ELFN2: variants seen among roughly 807,000 people sequenced by gnomAD.
The protein encoded by ELFN2 is extracellular leucine rich repeat and fibronectin type III domain containing 2.
In ELFN2, 17 loss-of-function variants were observed where a neutral mutation model predicts 45.5. That is an observed-to-expected ratio of 0.37 (90% CI 0.26 to 0.56). ELFN2 has a LOEUF of 0.56. Ranked by LOEUF, ELFN2 falls within the 20% of genes least tolerant of loss-of-function variation. ELFN2 has a pLI of 0.77. For synonymous variants in ELFN2, 550 were observed against 551.5 expected (o/e 1.00, Z 0.04); for missense variants, 922 against 1,183.2 (o/e 0.78, Z 3.24).
At chr22:37,343,312 C>T (rs1169632563) in intron 1 of ELFN2, among the ~76,000 whole-genome samples, 2 of 152,152 alleles carry the variant, frequency 1.3e-5, no homozygotes, top group African/African-American at 4.8e-5. Context: ...CCCCTATGCC[C>T]CTGGGCTCCG....
rs1311033472 is a variant in ELFN2, at chr22:37,342,162, T to C, written n.251+439A>G. On this transcript the variant is annotated intron_variant and non_coding_transcript_variant, in intron 2 of 2. Transcript: ENST00000452946. The stretch of plus-strand genomic sequence containing the variant: ...TGGGTCCCTGGAGACCGAGCAAGTC[T>C]TCCCCTGAAGACTTGAAGAGGCACG... Among the ~76,000 whole-genome samples, 3 of 152,280 alleles carry C rather than the reference T, an allele frequency of 2.0e-5. No homozygotes were observed. In the East Asian group the frequency reaches 5.8e-4, roughly 29 times the overall value.
intron 1 of ELFN2, among the ~76,000 whole-genome samples, chr22:37,426,348 G>A (rs867546638): frequency 5.9e-5 from 8 of 135,010 alleles, no homozygotes; most frequent in African/African-American, 1.3e-4. Context: ...ATGCACACGC[G>A]CGCGCGCGCA....
chr22:37,355,147 C>T (rs995536005), intron 1 of ELFN2, among the ~76,000 whole-genome samples: 1 of 152,214 alleles, frequency 6.6e-6, no homozygotes, highest in Non-Finnish European at 1.5e-5. Flanking sequence ...CAGTCTGTCC[C>T]TTGGGATGGA....
At chr22:37,416,905 A>G (rs1932764972) in intron 2 of ELFN2, among the ~76,000 whole-genome samples, 1 of 151,596 alleles carries the variant, frequency 6.6e-6, no homozygotes, top group South Asian at 2.1e-4. Context: ...CCACGTGGGG[A>G]CCACCGCACC....
intron 2 of ELFN2, among the ~76,000 whole-genome samples, chr22:37,376,222 G>T (rs1430040255): frequency 6.6e-6 from 1 of 152,090 alleles, no homozygotes; most frequent in African/African-American, 2.4e-5. Flanking sequence ...AGAAGAATAG[G>T]GGGAGTAGGG....
intron 1 of ELFN2, among the ~76,000 whole-genome samples, chr22:37,424,400 C>G (rs1314245938): frequency 6.6e-6 from 1 of 152,194 alleles, no homozygotes; most frequent in Non-Finnish European, 1.5e-5. Flanking sequence ...ATGGAGCCCC[C>G]AGTGACCGCC....
rs527465492 is a variant in ELFN2 at position 37,392,165 on chromosome 22, C to T, written c.-462-16169G>A. Among the ~76,000 whole-genome samples the T allele has an allele frequency of 8.5e-5, 13 of 152,236 alleles. No homozygotes were observed. The South Asian group carries it at 2.7e-3, about 31-fold the overall frequency. On this transcript the variant is annotated intron_variant, in intron 2 of 2. Coordinates refer to ENST00000402918, the MANE Select transcript of ELFN2 (RefSeq NM_052906.5). ...GACTTTCCTTGGCCCTCCTCAACCACTTCTCTGCCCCCGTCTCTAAAAAGG... is the reference window on the plus strand; with the variant it reads ...GACTTTCCTTGGCCCTCCTCAACCATTTCTCTGCCCCCGTCTCTAAAAAGG...
chr22:37,375,602 G>A lies in ELFN2; in HGVS notation c.-68C>T. ...GCCTAGCGGCCAGAGGCTGGGGCTG[G>A]CAGTACAGTCCTCCCTGGGGCCGCC... On this transcript the variant is annotated 5_prime_UTR_variant, in exon 3 of 3. Transcript: ENST00000402918. The A allele has an allele frequency of 6.8e-7, 1 of 1,468,008 alleles. No individual in the cohort carries two copies. The highest frequency in any genetic ancestry group is 1.4e-5 in the South Asian group (1 of 70,078). The allele number at this position is 1,468,008 out of a possible 1,614,324, so 90.9% of individuals were successfully genotyped here.
intron 2 of ELFN2, among the ~76,000 whole-genome samples, chr22:37,376,876 G>A (rs945186602): frequency 1.3e-5 from 2 of 152,224 alleles, no homozygotes; most frequent in African/African-American, 4.8e-5. Flanking sequence ...CCCCTTCCAT[G>A]GCTGGAGAGT....
intron 2 of ELFN2, among the ~76,000 whole-genome samples, chr22:37,386,704 G>A (rs1931956604): frequency 6.6e-6 from 1 of 152,174 alleles, no homozygotes; most frequent in African/African-American, 2.4e-5. Context: ...AAACTCCCCG[G>A]GGAGGGCCGC....
chr22:37,417,608 G>A lies in ELFN2; in HGVS notation c.-463+161C>T, dbSNP rs1348221556. ...TCATAGGCCCTGTGGAAGGAAAGCT[G>A]GGTGGGAGGGGTGCCCACGGCTGGG... On this transcript the variant is annotated intron_variant, in intron 2 of 2. Coordinates refer to ENST00000402918, the MANE Select transcript of ELFN2 (RefSeq NM_052906.5). The surrounding 1 kb of genome is among the most constrained non-coding windows in gnomAD (Gnocchi z 4.5). Among the ~76,000 whole-genome samples, 1 of 152,246 alleles carries A rather than the reference G, an allele frequency of 6.6e-6. No individual in the cohort carries two copies. Among genetic ancestry groups the A allele is most frequent in the Non-Finnish European group, 1.5e-5 (1 of 68,044 alleles).
chr22:37,357,918 C>T (rs1163913157), intron 1 of ELFN2, among the ~76,000 whole-genome samples: 1 of 152,198 alleles, frequency 6.6e-6, no homozygotes, highest in African/African-American at 2.4e-5. Flanking sequence ...CCACACATCA[C>T]CCTGCACGCA....
At chr22:37,363,671 G>C (rs1381559991), downstream of ELFN2, among the ~76,000 whole-genome samples, 1 of 152,158 alleles carries the variant, frequency 6.6e-6, no homozygotes, top group African/African-American at 2.4e-5. Context: ...GAGGCAGCCC[G>C]GGCCTCAACT....
intron 1 of ELFN2, among the ~76,000 whole-genome samples, chr22:37,343,974 G>A (rs1305788094): frequency 6.6e-6 from 1 of 151,594 alleles, no homozygotes; most frequent in Admixed American, 6.6e-5. Context: ...AGGGGCCGAG[G>A]GCTTACAGCA....
chr22:37,362,475 G>A (rs776587708), intron 1 of ELFN2, among the ~76,000 whole-genome samples: 35 of 152,178 alleles, frequency 2.3e-4, no homozygotes, highest in Non-Finnish European at 4.3e-4. Context: ...AACAAGACAC[G>A]AGATGCAGGG....
chr22:37,418,314 G>A (rs1024544801), intron 1 of ELFN2, among the ~76,000 whole-genome samples: 1 of 151,990 alleles, frequency 6.6e-6, no homozygotes, highest in Admixed American at 6.5e-5. Flanking sequence ...GAGATGGAGG[G>A]CTGAGGCTTC....
chr22:37,349,280 G>T (rs537313027), intron 1 of ELFN2, among the ~76,000 whole-genome samples: 1 of 151,370 alleles, frequency 6.6e-6, no homozygotes, highest in South Asian at 2.1e-4. Context: ...GATGAGGGTG[G>T]CCTGGTGGCC....
chr22:37,419,521 A>G (rs531134747), intron 1 of ELFN2, among the ~76,000 whole-genome samples: 2 of 151,958 alleles, frequency 1.3e-5, no homozygotes, highest in South Asian at 4.2e-4. Context: ...ACCCTCCCCA[A>G]CACGCAGGCC....
intron 1 of ELFN2, among the ~76,000 whole-genome samples, chr22:37,423,505 G>A (rs531805407): frequency 7.2e-5 from 11 of 152,250 alleles, no homozygotes; most frequent in Admixed American, 5.2e-4. Context: ...TGGTTCCATC[G>A]CTGTGTGGCC....
Sources: gnomAD v4.1 joint callset for allele counts (sites outside exome capture counted in the v4.1 genomes callset) on GRCh38, gnomAD v4.1.1 for gene constraint, Gnocchi (gnomAD v3.1) non-coding constraint, MANE v1.5 for transcripts, NCBI Gene and HGNC (gene_info 2026-07-23, HGNC 2026-07-21) for gene names.